The following SGCZ variants were observed in gnomAD, a reference collection of about 807,000 sequenced individuals.
SGCZ encodes the protein sarcoglycan zeta.
Under a neutral mutation model 41.3 loss-of-function variants are expected in SGCZ, and 40 were observed. The observed-to-expected ratio is 0.97, with a 90% CI of 0.75 to 1.26. SGCZ has a LOEUF of 1.26. Among genes scored for constraint, SGCZ ranks in the 50% most tolerant of loss-of-function variants. SGCZ has a pLI of 0.00. For missense variants in SGCZ, 552 were observed against 369.8 expected (o/e 1.49, Z -4.04); for synonymous variants, 206 against 137.5 (o/e 1.50, Z -3.49).
At chr8:14,328,677 A>G (rs996628643) in intron 2 of SGCZ, among the ~76,000 whole-genome samples, 4 of 152,166 alleles carry the variant, frequency 2.6e-5, no homozygotes, top group Admixed American at 1.3e-4. Flanking sequence ...ACCAAATTTC[A>G]TATCATTATA....
At chr8:14,186,181 C>T (rs887704708) in intron 4 of SGCZ, among the ~76,000 whole-genome samples, 4 of 152,160 alleles carry the variant, frequency 2.6e-5, no homozygotes, top group South Asian at 2.1e-4. Context: ...GCTAACATGC[C>T]GTCCAGTAAA....
intron 6 of SGCZ, among the ~76,000 whole-genome samples, chr8:14,107,889 T>C (rs895778278): frequency 1.3e-5 from 2 of 152,100 alleles, no homozygotes; most frequent in African/African-American, 4.8e-5. Context: ...GTGATCCTCC[T>C]ACCTTGGCCT....
At chr8:14,782,073 G>C (rs780669404) in intron 1 of SGCZ, among the ~76,000 whole-genome samples, 18 of 152,080 alleles carry the variant, frequency 1.2e-4, no homozygotes, top group Non-Finnish European at 2.1e-4. Context: ...ATGTCCTTTT[G>C]ATACCGATGT....
chr8:14,481,094 C>A (rs1247736688), intron 2 of SGCZ, among the ~76,000 whole-genome samples: 1 of 151,842 alleles, frequency 6.6e-6, no homozygotes, highest in Non-Finnish European at 1.5e-5. Context: ...GTGTTAATAT[C>A]CAGAATATAT....
intron 4 of SGCZ, among the ~76,000 whole-genome samples, chr8:14,192,746 C>T (rs1368346297): frequency 1.3e-5 from 2 of 151,784 alleles, no homozygotes; most frequent in African/African-American, 4.8e-5. Context: ...ACATAAACTT[C>T]TGTAACAAAA....
intron 1 of SGCZ, among the ~76,000 whole-genome samples, chr8:14,984,219 G>T (rs961756921): frequency 2.0e-5 from 3 of 152,102 alleles, no homozygotes; most frequent in African/African-American, 7.2e-5. Context: ...AAATTATTTT[G>T]AAGTAAATTC....
intron 1 of SGCZ, among the ~76,000 whole-genome samples, chr8:14,832,008 T>A (rs1802550444): frequency 6.6e-6 from 1 of 152,108 alleles, no homozygotes; most frequent in African/African-American, 2.4e-5. Context: ...AGATAAATAG[T>A]AATTGGTAGT....
intron 4 of SGCZ, among the ~76,000 whole-genome samples, chr8:14,177,675 ATTTTT>A (rs1193141913): frequency 1.1e-3 from 118 of 111,338 alleles, no homozygotes; most frequent in African/African-American, 2.2e-3. Context: ...ACGCCCTGCT[ATTTTT>A]TTTTTTTTTT....
intron 3 of SGCZ, among the ~76,000 whole-genome samples, chr8:14,240,327 C>CAAA (rs59351247): frequency 1.1e-3 from 131 of 115,214 alleles, no homozygotes; most frequent in African/African-American, 2.4e-3. Context: ...AACTCTGTGT[C>CAAA]AAAAAAAAAA....
intron 2 of SGCZ, among the ~76,000 whole-genome samples, chr8:14,480,287 C>A (rs1407215705): frequency 2.6e-5 from 4 of 152,128 alleles, no homozygotes; most frequent in Admixed American, 2.6e-4. Context: ...CGTCTACATT[C>A]TACTCCTTTG....
intron 1 of SGCZ, among the ~76,000 whole-genome samples, chr8:15,050,217 T>A (rs1324677119): frequency 6.6e-6 from 1 of 152,134 alleles, no homozygotes; most frequent in Non-Finnish European, 1.5e-5. Context: ...GATGGTACCA[T>A]ATGTAGGCAT....
At chr8:15,033,473 T>C (rs1193387916) in intron 1 of SGCZ, among the ~76,000 whole-genome samples, 1 of 151,974 alleles carries the variant, frequency 6.6e-6, no homozygotes, top group Admixed American at 6.5e-5. Flanking sequence ...GCAGAAGACC[T>C]AGGGTCCAAT....
chr8:15,029,953 G>T (rs539764205), intron 1 of SGCZ, among the ~76,000 whole-genome samples: 1 of 152,252 alleles, frequency 6.6e-6, no homozygotes, highest in African/African-American at 2.4e-5. Flanking sequence ...TCCATTCACT[G>T]TGCCATACAC....
At chr8:14,168,953 G>C (rs1430848396) in intron 4 of SGCZ, among the ~76,000 whole-genome samples, 1 of 152,064 alleles carries the variant, frequency 6.6e-6, no homozygotes, top group Non-Finnish European at 1.5e-5. Context: ...ACAATCATGG[G>C]AGGTGATCCC....
At chr8:14,600,633 A>G (rs1805560703) in intron 1 of SGCZ, among the ~76,000 whole-genome samples, 1 of 152,218 alleles carries the variant, frequency 6.6e-6, no homozygotes, top group Admixed American at 6.5e-5. Flanking sequence ...ACCCAGGAAT[A>G]AATGCATTTG....
chr8:15,222,681 T>C (rs546402503), intron 1 of SGCZ, among the ~76,000 whole-genome samples: 45 of 152,220 alleles, frequency 3.0e-4, no homozygotes, highest in South Asian at 6.2e-4. Flanking sequence ...CCAAACTGCT[T>C]GGCTGGTCAA....
At chr8:14,709,567 A>G (rs1190040740) in intron 1 of SGCZ, among the ~76,000 whole-genome samples, 1 of 152,194 alleles carries the variant, frequency 6.6e-6, no homozygotes, top group Non-Finnish European at 1.5e-5. Context: ...GTTACGGCAT[A>G]AGCAGGAATG....
In SGCZ at chr8:14,772,292, T is replaced by A. The variant is rs117785899; in HGVS notation, c.40-217366A>T. Among the ~76,000 whole-genome samples the A allele has an allele frequency of 4.5e-3, 684 of 152,234 alleles. 1 individual carries two copies. Among genetic ancestry groups the A allele is most frequent in the East Asian group, 0.01 (53 of 5,162 alleles). On this transcript the variant is annotated intron_variant, in intron 1 of 7. Transcript: ENST00000382080. Reference sequence around the variant, plus strand: ...ATATTTTCAACTCATAATGGGTTTATAGTGACATAAACCCATCCTAAGGTG... The same window carrying A: ...ATATTTTCAACTCATAATGGGTTTAAAGTGACATAAACCCATCCTAAGGTG...
chr8:14,871,304 A>C lies in SGCZ; in HGVS notation c.40-316378T>G, dbSNP rs554373374. On this transcript the variant is annotated intron_variant, in intron 1 of 7. Coordinates refer to ENST00000382080, the MANE Select transcript of SGCZ (RefSeq NM_139167.4). The stretch of plus-strand genomic sequence containing the variant: ...TGTTGGTGGGAGTGTAAATTATTTC[A>C]ACCACTGTGAAAGACAGTTTTGTGA... Among the ~76,000 whole-genome samples the C allele has an allele frequency of 2.6e-5, 4 of 152,292 alleles. No homozygotes were observed. In the South Asian group the frequency reaches 8.3e-4, roughly 32 times the overall value.
Sources: gnomAD v4.1 joint callset for allele counts (sites outside exome capture counted in the v4.1 genomes callset) on GRCh38, gnomAD v4.1.1 for gene constraint, MANE v1.5 for transcripts, NCBI Gene and HGNC (gene_info 2026-07-23, HGNC 2026-07-21) for gene names.